Variants in FOCAD observed in about 807,000 individuals in gnomAD.
FOCAD encodes focadhesin, also known as KIAA1797.
FOCAD carries 198 observed loss-of-function variants against 225.6 expected under a neutral mutation model. That is an observed-to-expected ratio of 0.88 (90% CI 0.78 to 0.99). The LOEUF (loss-of-function observed/expected upper bound fraction) is 0.99, where lower values mean the gene tolerates loss of function less well. Ranked by LOEUF, FOCAD falls within the 50% of genes least tolerant of loss-of-function variation. The pLI is 0.00. For synonymous variants in FOCAD, 897 were observed against 755.0 expected (o/e 1.19, Z -3.08); for missense variants, 2,713 against 2,123.6 (o/e 1.28, Z -5.46).
rs777093829 is a variant in FOCAD, at chr9:20,778,667, C to T, written c.907-14C>T. 6 of 1,513,344 alleles carry T rather than the reference C, an allele frequency of 4.0e-6. No individual in the cohort carries two copies. Among genetic ancestry groups the T allele is most frequent in the Non-Finnish European group, 5.5e-6 (6 of 1,090,240 alleles). 93.7% of individuals were successfully genotyped at this position (1,513,344 alleles called of 1,614,324 possible). On this transcript the variant is annotated splice_polypyrimidine_tract_variant and intron_variant, in intron 8 of 43. Transcript: ENST00000338382. ...CTTCTTTAACAACTCCTTTTTCCCC[C>T]TCTATTCTTTTAGGATTTTCCTGTT...
At chr9:20,789,798 T>C (rs1051532350) in intron 11 of FOCAD, among the ~76,000 whole-genome samples, 190 bp downstream of exon 11, 2 of 152,076 alleles carry the variant, frequency 1.3e-5, no homozygotes, top group African/African-American at 4.8e-5. Context: ...GTATACTTAA[T>C]GATGCAAACA....
At chr9:20,990,707 G>T (rs1468792830) in intron 42 of FOCAD, among the ~76,000 whole-genome samples, 1 of 152,182 alleles carries the variant, frequency 6.6e-6, no homozygotes, top group Non-Finnish European at 1.5e-5. Flanking sequence ...CAAGGTGAGG[G>T]TCGACGGGAA....
intron 21 of FOCAD, among the ~76,000 whole-genome samples, chr9:20,896,077 T>G (rs1209664989): frequency 1.3e-5 from 2 of 151,912 alleles, no homozygotes; most frequent in South Asian, 2.1e-4. Flanking sequence ...CATGAAAAAC[T>G]GTTCGATTTT....
chr9:20,888,080 T>A (rs891745713), intron 21 of FOCAD, among the ~76,000 whole-genome samples: 20 of 147,376 alleles, frequency 1.4e-4, no homozygotes, highest in Non-Finnish European at 2.6e-4. Context: ...TTCTGGATAT[T>A]TTTTTTTTTT....
chr9:20,839,504 G>A (rs772776354), intron 15 of FOCAD, among the ~76,000 whole-genome samples: 6 of 151,914 alleles, frequency 3.9e-5, no homozygotes, highest in South Asian at 2.1e-4. Context: ...CAAGTGTCTT[G>A]CCCGCTTAGG....
At chr9:20,884,054 A>G (rs1830899263) in intron 20 of FOCAD, among the ~76,000 whole-genome samples, 1 of 152,248 alleles carries the variant, frequency 6.6e-6, no homozygotes, top group African/African-American at 2.4e-5. Context: ...ACTTTTGAGT[A>G]TAAACTAAAG....
intron 35 of FOCAD, among the ~76,000 whole-genome samples, chr9:20,959,407 G>A (rs144896045): frequency 3.5e-4 from 54 of 152,200 alleles, no homozygotes; most frequent in Middle Eastern, 3.4e-3. Flanking sequence ...CTGTTGAGAT[G>A]TTTGAGTTCC....
At chr9:20,953,896 CA>C (rs1232999807) in intron 35 of FOCAD, among the ~76,000 whole-genome samples, 2 of 151,906 alleles carry the variant, frequency 1.3e-5, no homozygotes, top group African/African-American at 4.8e-5. Flanking sequence ...AAAAAATAAA[CA>C]AAAAAACTGG....
intron 5 of FOCAD, among the ~76,000 whole-genome samples, chr9:20,742,477 G>A (rs1321232988): frequency 1.3e-5 from 2 of 152,224 alleles, no homozygotes; most frequent in African/African-American, 4.8e-5. Flanking sequence ...TTGAGTAGCA[G>A]AGCTACCGCC....
rs10964700 is a variant in FOCAD at position 20,789,160 on chromosome 9, A to T, written c.1198-191A>T. 0.18 allele frequency among the ~76,000 whole-genome samples: 27,104 copies of T among 152,094 alleles called. 3,019 individuals carry two copies. Among genetic ancestry groups the T allele is most frequent in the Non-Finnish European group, 0.24 (16,625 of 67,962 alleles). On this transcript the variant is annotated intron_variant, in intron 10 of 43. Transcript: ENST00000338382. ...TAAAACTCTTCTGGAGTTCCATCTA[A>T]CAACTCTTTTCTCTTTGTGTAATCC...
chr9:20,875,057 A>G (rs1209781082), intron 19 of FOCAD: 1 of 420,190 alleles, frequency 2.4e-6, no homozygotes, highest in Non-Finnish European at 4.2e-6. Context: ...TTCACTGATA[A>G]TTAAAATTCA....
intron 1 of FOCAD, among the ~76,000 whole-genome samples, chr9:20,688,536 G>T (rs1389185743): frequency 6.6e-6 from 1 of 152,190 alleles, no homozygotes; most frequent in Admixed American, 6.5e-5. Flanking sequence ...TTAAAGAGAG[G>T]ATTCTAGGCT....
intron 25 of FOCAD, among the ~76,000 whole-genome samples, chr9:20,924,821 T>C (rs1266231592): frequency 6.6e-6 from 1 of 152,164 alleles, no homozygotes; most frequent in Non-Finnish European, 1.5e-5. Context: ...AGGCAACAGG[T>C]ACTAATGAAA....
chr9:20,700,715 G>A (rs1228116850), intron 1 of FOCAD, among the ~76,000 whole-genome samples: 2 of 152,126 alleles, frequency 1.3e-5, no homozygotes, highest in East Asian at 3.8e-4. Flanking sequence ...CTTAATTAAT[G>A]AAAAAGATAT....
chr9:20,798,632 C>T (rs977355730), intron 11 of FOCAD, among the ~76,000 whole-genome samples: 23 of 152,080 alleles, frequency 1.5e-4, no homozygotes, highest in African/African-American at 5.1e-4. Context: ...AGTTTATTTG[C>T]TTAGAGGTGT....
chr9:20,944,117 G>C (rs889705373), intron 28 of FOCAD, among the ~76,000 whole-genome samples: 1 of 152,206 alleles, frequency 6.6e-6, no homozygotes, highest in Non-Finnish European at 1.5e-5. Flanking sequence ...TGTTGAAGTT[G>C]ACTAGGAAAC....
At chr9:20,937,621 A>T (rs1836128814) in intron 28 of FOCAD, among the ~76,000 whole-genome samples, 1 of 152,248 alleles carries the variant, frequency 6.6e-6, no homozygotes, top group Non-Finnish European at 1.5e-5. Context: ...AAAACCATAA[A>T]AACCCTAGAC....
chr9:20,663,943 G>T (rs1821818972), intron 2 of FOCAD, among the ~76,000 whole-genome samples: 5 of 151,950 alleles, frequency 3.3e-5, no homozygotes, highest in Admixed American at 3.3e-4. Context: ...ATCACTAGTG[G>T]ATGATGTCTT....
chr9:20,755,577 G>C (rs16938151), intron 5 of FOCAD, among the ~76,000 whole-genome samples: 33,216 of 151,952 alleles, frequency 0.22, 3,815 homozygotes, highest in South Asian at 0.3. Context: ...GACTTATAAA[G>C]GAAGAATATT....
Sources: gnomAD v4.1 joint callset for allele counts (sites outside exome capture counted in the v4.1 genomes callset) on GRCh38, gnomAD v4.1.1 for gene constraint, MANE v1.5 for transcripts, NCBI Gene and HGNC (gene_info 2026-07-23, HGNC 2026-07-21) for gene names.